The following PDE4D variants were observed in gnomAD, a reference collection of about 807,000 sequenced individuals.
PDE4D encodes phosphodiesterase 4D.
PDE4D carries 24 observed loss-of-function variants against 87.4 expected under a neutral mutation model. That is an observed-to-expected ratio of 0.27 (90% CI 0.20 to 0.39). The LOEUF (loss-of-function observed/expected upper bound fraction) is 0.39, where lower values mean the gene tolerates loss of function less well. PDE4D is among the 10% of genes least tolerant of loss of function. PDE4D has a pLI of 1.00. For missense variants in PDE4D, 714 were observed against 1,041.0 expected (o/e 0.69, Z 4.32); for synonymous variants, 384 against 383.2 (o/e 1.00, Z -0.02).
intron 1 of PDE4D, among the ~76,000 whole-genome samples, chr5:59,563,170 A>T (rs1820328775): frequency 6.6e-6 from 1 of 152,230 alleles, no homozygotes; most frequent in South Asian, 2.1e-4. Context: ...CAGGTGTCAG[A>T]CATGCTGCTG....
intron 6 of PDE4D, among the ~76,000 whole-genome samples, chr5:59,026,746 G>A (rs1336682724): frequency 3.3e-5 from 5 of 152,052 alleles, no homozygotes; most frequent in Non-Finnish European, 7.4e-5. Flanking sequence ...GCTTTATAAA[G>A]GATGTAACAT....
At chr5:59,810,870 T>A (rs1768277812) in intron 1 of PDE4D, among the ~76,000 whole-genome samples, 1 of 152,224 alleles carries the variant, frequency 6.6e-6, no homozygotes, top group Non-Finnish European at 1.5e-5. Flanking sequence ...CAAAATAATT[T>A]GTATCTTTAT....
chr5:60,501,333 T>C (rs1750066129), intron 1 of PDE4D, among the ~76,000 whole-genome samples: 1 of 152,184 alleles, frequency 6.6e-6, no homozygotes, highest in Admixed American at 6.5e-5. Context: ...CATGAACTCA[T>C]CATGTTTTAT....
intron 1 of PDE4D, among the ~76,000 whole-genome samples, chr5:59,651,534 A>G (rs373305712): frequency 6.6e-6 from 1 of 152,002 alleles, no homozygotes; most frequent in East Asian, 1.9e-4. Context: ...GGAAGGTCAC[A>G]TGGAGTACTT....
chr5:60,319,611 G>A (rs1166009779), intron 1 of PDE4D, among the ~76,000 whole-genome samples: 2 of 152,138 alleles, frequency 1.3e-5, no homozygotes, highest in Non-Finnish European at 2.9e-5. Context: ...TATCTTTGTG[G>A]TTTTATCTAC....
chr5:59,216,654 G>A (rs1224151210), intron 1 of PDE4D: 1 of 153,978 alleles, frequency 6.5e-6, no homozygotes, highest in Non-Finnish European at 1.4e-5. Flanking sequence ...GTTGCCCCCA[G>A]CCTCAACTTG....
At position 59,394,873 on chromosome 5, in the gene PDE4D, C is replaced by T. The variant is rs538885811; in HGVS notation, c.456-178905G>A. 4.5e-4 allele frequency among the ~76,000 whole-genome samples: 69 copies of T among 152,098 alleles called. No homozygotes were observed. The South Asian group carries it at 9.5e-3, about 21-fold the overall frequency. On this transcript the variant is annotated intron_variant, in intron 1 of 14. Transcript: ENST00000340635. ...CAGTAGGCGCAGGTCAGTGGGTGCG[C>T]GCACCGTGCACAAGCCGAAGCAGGG... is the stretch of plus-strand genomic sequence containing the variant.
At chr5:60,109,840 A>G (rs974459662) in intron 2 of PDE4D, among the ~76,000 whole-genome samples, 2 of 150,620 alleles carry the variant, frequency 1.3e-5, no homozygotes, top group Non-Finnish European at 3.0e-5. Context: ...GAAGGGGAAC[A>G]TCACACTCTG....
chr5:59,990,422 T>C (rs1032831058), intron 2 of PDE4D, among the ~76,000 whole-genome samples: 1 of 152,184 alleles, frequency 6.6e-6, no homozygotes, highest in African/African-American at 2.4e-5. Context: ...GTCTTCCTGA[T>C]TTATATCTTG....
At chr5:59,939,439 T>C (rs1756943947) in intron 3 of PDE4D, among the ~76,000 whole-genome samples, 1 of 152,240 alleles carries the variant, frequency 6.6e-6, no homozygotes, top group South Asian at 2.1e-4. Flanking sequence ...CTTGAGCTAA[T>C]GGTGATTATA....
intron 1 of PDE4D, among the ~76,000 whole-genome samples, chr5:59,272,397 A>G (rs60863971): frequency 1.2e-3 from 178 of 152,256 alleles, no homozygotes; most frequent in African/African-American, 4.2e-3. Flanking sequence ...TTCATAGTAT[A>G]TAACAACTGA....
rs180935901 is a variant in PDE4D, at chr5:59,840,312, C to T, written c.455+52856G>A. ...TCCCTTTGTCATTTTCATCTTGGCACGAATCACTCTCTGAAATGATCCTCT... is the reference window on the plus strand; with the variant it reads ...TCCCTTTGTCATTTTCATCTTGGCATGAATCACTCTCTGAAATGATCCTCT... On this transcript the variant is annotated intron_variant, in intron 1 of 14. Coordinates refer to ENST00000340635, the MANE Select transcript of PDE4D (RefSeq NM_001104631.2). Among the ~76,000 whole-genome samples, 40 of 151,198 alleles carry T rather than the reference C, an allele frequency of 2.6e-4. 1 individual carries two copies. Among genetic ancestry groups the T allele is most frequent in the Admixed American group, 8.6e-4 (13 of 15,184 alleles).
intron 5 of PDE4D, among the ~76,000 whole-genome samples, chr5:59,168,036 C>T (rs1782165540): frequency 6.6e-6 from 1 of 151,980 alleles, no homozygotes; most frequent in African/African-American, 2.4e-5. Context: ...ATTAGAAATA[C>T]TTCCACAGGA....
intron 2 of PDE4D, among the ~76,000 whole-genome samples, chr5:60,014,779 T>C (rs1431250267): frequency 6.6e-6 from 1 of 152,124 alleles, no homozygotes; most frequent in African/African-American, 2.4e-5. Flanking sequence ...GAAAAGAAGA[T>C]TTTAGGCCTC....
chr5:59,589,065 C>T (rs77883701), intron 1 of PDE4D, among the ~76,000 whole-genome samples: 6,680 of 152,248 alleles, frequency 0.044, 204 homozygotes, highest in Middle Eastern at 0.085. Flanking sequence ...CACACAACAG[C>T]ACTATGAGTT....
At chr5:60,312,174 A>T (rs1368418925) in intron 1 of PDE4D, among the ~76,000 whole-genome samples, 4 of 152,154 alleles carry the variant, frequency 2.6e-5, no homozygotes. Context: ...TCGAGACCTG[A>T]ACTTAACACT....
rs1338731940 is a variant in PDE4D at position 59,053,645 on chromosome 5, G to GTTTTTTTTTTTTTTT, written c.809-14675_809-14674insAAAAAAAAAAAAAAA. ...TATGAATTAAGTTGTTTTGTTTTTT[G>GTTTTTTTTTTTTTTT]TTTTTTTTTGTTGTTGTTTTTTTTT... On this transcript the variant is annotated intron_variant, in intron 5 of 14. Coordinates refer to ENST00000340635, the MANE Select transcript of PDE4D (RefSeq NM_001104631.2). 3.1e-4 allele frequency among the ~76,000 whole-genome samples: 21 copies of GTTTTTTTTTTTTTTT among 68,790 alleles called. 1 individual carries two copies. The highest frequency in any genetic ancestry group is 7.8e-4 in the African/African-American group (15 of 19,342). 45.1% of individuals were successfully genotyped at this position (68,790 alleles called of 152,430 possible). A position where few individuals can be genotyped will look rare whatever the true frequency, so the allele number is the denominator to read the frequency against.
chr5:60,109,833 G>A (rs1411361612), intron 2 of PDE4D, among the ~76,000 whole-genome samples: 2 of 151,518 alleles, frequency 1.3e-5, no homozygotes, highest in Non-Finnish European at 2.9e-5. Context: ...GACACAGGAA[G>A]GGGAACATCA....
At chr5:59,713,660 T>C (rs1292769848) in intron 1 of PDE4D, among the ~76,000 whole-genome samples, 1 of 152,060 alleles carries the variant, frequency 6.6e-6, no homozygotes, top group Non-Finnish European at 1.5e-5. Flanking sequence ...GGCCACGACA[T>C]GGGTTGTGGT....
Sources: allele counts gnomAD v4.1 joint callset (sites outside exome capture counted in the v4.1 genomes callset), GRCh38; gene constraint gnomAD v4.1.1; transcripts MANE v1.5; gene names NCBI Gene and HGNC (gene_info 2026-07-23, HGNC 2026-07-21).